The following GRM3 variants were observed in gnomAD, a reference collection of about 807,000 sequenced individuals.
GRM3 encodes the protein metabotropic glutamate receptor 3.
A neutral mutation model predicts 70.5 loss-of-function variants in GRM3; 26 were observed. The observed-to-expected ratio is 0.37, with a 90% CI of 0.27 to 0.51. The LOEUF is 0.51. Among genes scored for constraint, GRM3 ranks in the 20% least tolerant of loss-of-function variants. The pLI, the probability that GRM3 is intolerant of heterozygous loss-of-function variation, is 0.93. For synonymous variants in GRM3, 443 were observed against 434.9 expected, an observed-to-expected ratio of 1.02 and a Z score of -0.23; for missense variants, 859 against 1,123.8, an observed-to-expected ratio of 0.76 and a Z score of 3.37.
intron 1 of GRM3, among the ~76,000 whole-genome samples, chr7:86,682,409 A>G (rs567498494): frequency 6.6e-6 from 1 of 152,286 alleles, no homozygotes; most frequent in South Asian, 2.1e-4. Flanking sequence ...AAGTCTATGT[A>G]CCCAGTAAGA....
intron 2 of GRM3, 118 bp downstream of exon 2, chr7:86,765,731 T>C (rs1796585761): frequency 9.9e-6 from 8 of 809,722 alleles, no homozygotes; most frequent in Admixed American, 3.0e-5. Context: ...AATGCAATTA[T>C]TAATTTTTCT....
chr7:86,806,761 T>C (rs1162682668), intron 3 of GRM3, among the ~76,000 whole-genome samples: 1 of 152,172 alleles, frequency 6.6e-6, no homozygotes, highest in Non-Finnish European at 1.5e-5. Context: ...TAGATCTCAT[T>C]AGTCAATTTT....
intron 3 of GRM3, among the ~76,000 whole-genome samples, chr7:86,823,608 C>CGG (rs377257594): frequency 3.8e-4 from 17 of 44,620 alleles, no homozygotes; most frequent in African/African-American, 1.8e-3. Flanking sequence ...TTTTTTTTGG[C>CGG]GGGGGGGGAT....
At chr7:86,861,600 C>T (rs1004942629) in intron 5 of GRM3, among the ~76,000 whole-genome samples, 14 of 151,974 alleles carry the variant, frequency 9.2e-5, no homozygotes, top group African/African-American at 3.1e-4. Context: ...ATGAGTAGAT[C>T]AGAGGGAAGA....
chr7:86,819,912 C>G (rs948687698), intron 3 of GRM3, among the ~76,000 whole-genome samples: 4 of 152,106 alleles, frequency 2.6e-5, no homozygotes, highest in Admixed American at 2.6e-4. Flanking sequence ...TCTAGGTGAA[C>G]CTAGGTATGG....
In GRM3 at chr7:86,765,256, T is replaced by C; in HGVS notation, c.111T>C (p.Gly37=). The C allele has an allele frequency of 6.2e-7, 1 of 1,613,830 alleles. No homozygotes were observed. Among genetic ancestry groups the C allele is most frequent in the Non-Finnish European group, 8.5e-7 (1 of 1,179,860 alleles). The change falls in exon 2 of 6, where the codon GGT becomes GGC. Residue 37 remains glycine, a synonymous_variant. Transcript: ENST00000361669. ...NFLRREIKIE[G]DLVLGGLFPI... ...TAAGGAGAGAGATTAAAATAGAAGG[T>C]GACCTTGTTTTAGGGGGCCTGTTTC...
chr7:86,808,459 C>A (rs560562358), intron 3 of GRM3, among the ~76,000 whole-genome samples: 1 of 151,784 alleles, frequency 6.6e-6, no homozygotes, highest in Admixed American at 6.6e-5. Context: ...CGAAACCTAG[C>A]AATGGCCCCA....
intron 3 of GRM3, among the ~76,000 whole-genome samples, chr7:86,831,582 C>T (rs1038849910): frequency 3.9e-5 from 6 of 152,036 alleles, no homozygotes; most frequent in Admixed American, 3.3e-4. Flanking sequence ...CCATAATTTC[C>T]ACTCATTTCT....
At chr7:86,758,759 T>C (rs1382043670) in intron 1 of GRM3, among the ~76,000 whole-genome samples, 1 of 152,072 alleles carries the variant, frequency 6.6e-6, no homozygotes, top group Non-Finnish European at 1.5e-5. Context: ...AGGAGATGAA[T>C]AGGAGATGTG....
chr7:86,661,628 A>G (rs1205382478), intron 1 of GRM3, among the ~76,000 whole-genome samples: 1 of 151,984 alleles, frequency 6.6e-6, no homozygotes, highest in East Asian at 1.9e-4. Context: ...TAAAGAAGCA[A>G]AGCATTCTTG....
At chr7:86,832,291 C>T (rs1206863871) in intron 3 of GRM3, among the ~76,000 whole-genome samples, 1 of 133,698 alleles carries the variant, frequency 7.5e-6, no homozygotes, top group Non-Finnish European at 1.5e-5. Context: ...ACTCTTGTTG[C>T]CCAGGCTGGA....
chr7:86,698,915 G>C (rs898953164), intron 1 of GRM3, among the ~76,000 whole-genome samples: 2 of 151,964 alleles, frequency 1.3e-5, no homozygotes, highest in African/African-American at 4.8e-5. Context: ...CCCACTAGCA[G>C]TATGTATTGT....
chr7:86,846,744 G>T (rs139668017), intron 4 of GRM3, among the ~76,000 whole-genome samples: 27 of 152,214 alleles, frequency 1.8e-4, no homozygotes, highest in African/African-American at 5.5e-4. Context: ...CATACAATTT[G>T]GTCAACATGT....
chr7:86,754,046 G>A (rs1796289991), intron 1 of GRM3, among the ~76,000 whole-genome samples: 1 of 152,036 alleles, frequency 6.6e-6, no homozygotes, highest in Non-Finnish European at 1.5e-5. Context: ...TATGTTCTAA[G>A]GTCACTTAAA....
At chr7:86,820,807 T>C (rs1427487719) in intron 3 of GRM3, among the ~76,000 whole-genome samples, 1 of 152,152 alleles carries the variant, frequency 6.6e-6, no homozygotes, top group Non-Finnish European at 1.5e-5. Flanking sequence ...TAGAAAAGCA[T>C]GTTCAAGCTT....
chr7:86,657,370 T>C (rs1291066716), intron 1 of GRM3, among the ~76,000 whole-genome samples: 1 of 152,204 alleles, frequency 6.6e-6, no homozygotes, highest in African/African-American at 2.4e-5. Context: ...AATATTTCTG[T>C]TTGACATAAC....
At chr7:86,679,215 G>A (rs1428846813) in intron 1 of GRM3, among the ~76,000 whole-genome samples, 1 of 152,000 alleles carries the variant, frequency 6.6e-6, no homozygotes, top group African/African-American at 2.4e-5. Flanking sequence ...ATCTGTAGAT[G>A]TGATGAATTT....
At chr7:86,849,938 A>T (rs1798726305) in intron 4 of GRM3, among the ~76,000 whole-genome samples, 1 of 152,182 alleles carries the variant, frequency 6.6e-6, no homozygotes, top group Admixed American at 6.6e-5. Context: ...AAACAAACAA[A>T]CAAACAAAAC....
chr7:86,803,499 A>C (rs568721901), intron 3 of GRM3, among the ~76,000 whole-genome samples: 1 of 152,318 alleles, frequency 6.6e-6, no homozygotes, highest in South Asian at 2.1e-4. Flanking sequence ...GCATGATCTC[A>C]TGGTTTTATT....
Sources: gnomAD v4.1 joint callset for allele counts (sites outside exome capture counted in the v4.1 genomes callset) on GRCh38, gnomAD v4.1.1 for gene constraint, MANE v1.5 for transcripts, NCBI Gene and HGNC (gene_info 2026-07-23, HGNC 2026-07-21) for gene names.